Variants in SRD5A2 observed in about 807,000 individuals in gnomAD.
SRD5A2 encodes steroid 5 alpha-reductase 2.
Under a neutral mutation model 27.4 loss-of-function variants are expected in SRD5A2, and 30 were observed. The observed-to-expected ratio is 1.10, with a 90% CI of 0.82 to 1.49. SRD5A2 has a LOEUF of 1.49. Ranked by LOEUF, SRD5A2 falls within the 40% of genes most tolerant of loss-of-function variation. The pLI, the probability that SRD5A2 is intolerant of heterozygous loss-of-function variation, is 0.00. For missense variants in SRD5A2, 348 were observed against 323.4 expected (o/e 1.08, Z -0.58); for synonymous variants, 141 against 133.6 (o/e 1.06, Z -0.38).
At chr2:31,566,469 G>GA (rs1348663406) in intron 1 of SRD5A2, among the ~76,000 whole-genome samples, 1 of 152,020 alleles carries the variant, frequency 6.6e-6, no homozygotes, top group Non-Finnish European at 1.5e-5. Context: ...AAAAGATCTG[G>GA]AAAAAAAGTG....
At chr2:31,589,499 C>T in the SRD5A2 span, among the ~76,000 whole-genome samples, 4 of 152,250 alleles carry the variant, frequency 2.6e-5, no homozygotes, top group African/African-American at 9.6e-5. Flanking sequence ...TTGGCACCTG[C>T]CCTGGTCTCA....
intron 1 of SRD5A2, among the ~76,000 whole-genome samples, chr2:31,562,816 G>T (rs1266593328): frequency 6.6e-6 from 1 of 152,032 alleles, no homozygotes; most frequent in African/African-American, 2.4e-5. Context: ...TGTACCCCCT[G>T]AATTAAATTT....
chr2:31,554,128 G>A (rs1034372040), intron 1 of SRD5A2, among the ~76,000 whole-genome samples: 3 of 151,968 alleles, frequency 2.0e-5, no homozygotes, highest in African/African-American at 7.3e-5. Context: ...TAAAACCTAC[G>A]GCCAACAGTC....
the SRD5A2 span, among the ~76,000 whole-genome samples, chr2:31,620,581 T>C: frequency 1.3e-5 from 2 of 152,032 alleles, no homozygotes; most frequent in Non-Finnish European, 2.9e-5. Context: ...TGTGGTGGTC[T>C]GGAATTGAAC....
chr2:31,523,975 C>T lies in SRD5A2; in HGVS notation c.*2221G>A, dbSNP rs574630859. On this transcript the variant is annotated 3_prime_UTR_variant, in exon 5 of 5. Transcript: ENST00000622030. Reference sequence around the variant, plus strand: ...TTAAGAAGTTCCACGATCATGCTAACTTGAAAGGTCCACGATCAGGCAACA... The same window carrying T: ...TTAAGAAGTTCCACGATCATGCTAATTTGAAAGGTCCACGATCAGGCAACA... 9.1e-6 allele frequency: 2 copies of T among 218,974 alleles called. No individual in the cohort carries two copies. The highest frequency in any genetic ancestry group is 4.5e-5 in the African/African-American group (2 of 44,654). The allele number at this position is 218,974 out of a possible 1,614,324, so 13.6% of individuals were successfully genotyped here.
chr2:31,628,046 T>G, the SRD5A2 span, among the ~76,000 whole-genome samples: 1 of 152,182 alleles, frequency 6.6e-6, no homozygotes, highest in Non-Finnish European at 1.5e-5. Flanking sequence ...TCTGCCTCGA[T>G]GATTTATCTA....
intron 1 of SRD5A2, among the ~76,000 whole-genome samples, chr2:31,556,376 A>C (rs1434053910): frequency 6.6e-6 from 1 of 152,200 alleles, no homozygotes; most frequent in African/African-American, 2.4e-5. Context: ...CTATGTCCTA[A>C]TTCCAGGAAC....
chr2:31,655,483 A>C, the SRD5A2 span, among the ~76,000 whole-genome samples: 300 of 152,340 alleles, frequency 2.0e-3, 1 homozygote, highest in South Asian at 1.2e-3. Context: ...GTGGGGCCTG[A>C]GCAAGCACAT....
At chr2:31,596,254 G>T in the SRD5A2 span, among the ~76,000 whole-genome samples, 1 of 151,990 alleles carries the variant, frequency 6.6e-6, no homozygotes, top group Non-Finnish European at 1.5e-5. Flanking sequence ...TGAGCATGGT[G>T]GTGGGCAGCT....
intron 1 of SRD5A2, among the ~76,000 whole-genome samples, chr2:31,540,651 G>T (rs1198168013): frequency 6.6e-6 from 1 of 152,180 alleles, no homozygotes; most frequent in Non-Finnish European, 1.5e-5. Flanking sequence ...TGGAAATCTG[G>T]AGTCTATTGA....
At chr2:31,564,087 T>A (rs910623887) in intron 1 of SRD5A2, among the ~76,000 whole-genome samples, 1 of 151,996 alleles carries the variant, frequency 6.6e-6, no homozygotes, top group Non-Finnish European at 1.5e-5. Flanking sequence ...CTGCTTATTA[T>A]AGGAAAAATA....
At chr2:31,577,731 C>T (rs1293648605) in intron 1 of SRD5A2, among the ~76,000 whole-genome samples, 3 of 152,146 alleles carry the variant, frequency 2.0e-5, no homozygotes, top group Admixed American at 6.5e-5. Context: ...CAGCCTGATG[C>T]TTGTTCCTTA....
At chr2:31,634,770 T>A in the SRD5A2 span, among the ~76,000 whole-genome samples, 5 of 152,104 alleles carry the variant, frequency 3.3e-5, no homozygotes, top group African/African-American at 1.2e-4. Flanking sequence ...CACATATAAA[T>A]GAGATCATGC....
At chr2:31,649,907 TGA>T in the SRD5A2 span, among the ~76,000 whole-genome samples, 1 of 152,132 alleles carries the variant, frequency 6.6e-6, no homozygotes, top group Non-Finnish European at 1.5e-5. Context: ...ATTTGTCTTT[TGA>T]AACAATGACA....
chr2:31,656,031 G>A, the SRD5A2 span, among the ~76,000 whole-genome samples: 1 of 152,172 alleles, frequency 6.6e-6, no homozygotes, highest in Non-Finnish European at 1.5e-5. Context: ...AAACTGGTAA[G>A]TCGGGGAAGT....
the SRD5A2 span, among the ~76,000 whole-genome samples, chr2:31,599,658 A>G: frequency 2.6e-5 from 4 of 152,026 alleles, no homozygotes; most frequent in Non-Finnish European, 5.9e-5. Flanking sequence ...TAGCAAAAGC[A>G]GTGTATTAAG....
At chr2:31,595,028 A>G in the SRD5A2 span, among the ~76,000 whole-genome samples, 1 of 152,162 alleles carries the variant, frequency 6.6e-6, no homozygotes, top group Non-Finnish European at 1.5e-5. Flanking sequence ...TAGTGACACA[A>G]CCTATCGAAA....
intron 1 of SRD5A2, among the ~76,000 whole-genome samples, chr2:31,560,314 G>C (rs1240140915): frequency 1.3e-5 from 2 of 152,110 alleles, no homozygotes; most frequent in Non-Finnish European, 2.9e-5. Flanking sequence ...TGGGGAGAGA[G>C]TTCTGACCAA....
chr2:31,581,239 G>A (rs369766433), upstream of SRD5A2, among the ~76,000 whole-genome samples: 60 of 152,184 alleles, frequency 3.9e-4, 2 homozygotes, highest in Admixed American at 3.5e-3. Flanking sequence ...ACTAAGACAC[G>A]GGAAGAAAAC....
Sources: allele counts gnomAD v4.1 joint callset (sites outside exome capture counted in the v4.1 genomes callset), GRCh38; gene constraint gnomAD v4.1.1; transcripts MANE v1.5; gene names NCBI Gene and HGNC (gene_info 2026-07-23, HGNC 2026-07-21).